CPA3: variants seen among roughly 807,000 people sequenced by gnomAD.
The protein encoded by CPA3 is mast cell carboxypeptidase A.
In CPA3, 52 loss-of-function variants were observed where a neutral mutation model predicts 55.8. That is an observed-to-expected ratio of 0.93 (90% CI 0.75 to 1.17). The LOEUF is 1.17. Among genes scored for constraint, CPA3 ranks in the 50% most tolerant of loss-of-function variants. The probability of loss-of-function intolerance (pLI) is 0.00; values close to 1 mark genes in which losing one functional copy is unlikely to be tolerated. For synonymous variants in CPA3, 179 were observed against 171.2 expected, an observed-to-expected ratio of 1.05 and a Z score of -0.36; for missense variants, 547 against 509.1, an observed-to-expected ratio of 1.07 and a Z score of -0.72.
intron 9 of CPA3, among the ~76,000 whole-genome samples, chr3:148,884,281 T>C (rs574481812): frequency 2.6e-5 from 4 of 152,354 alleles, no homozygotes; most frequent in Middle Eastern, 6.8e-3. Flanking sequence ...TTATAAATGT[T>C]TGTGAAGCTT....
intron 9 of CPA3, among the ~76,000 whole-genome samples, chr3:148,885,821 C>A (rs1424724935): frequency 6.6e-6 from 1 of 151,964 alleles, no homozygotes; most frequent in Non-Finnish European, 1.5e-5. Context: ...TTTTTCATCC[C>A]TAGTAATTTA....
intron 10 of CPA3, among the ~76,000 whole-genome samples, chr3:148,894,893 C>G (rs1211734178): frequency 2.0e-5 from 3 of 152,106 alleles, no homozygotes; most frequent in African/African-American, 7.2e-5. Context: ...CTTTGTCTTC[C>G]TTTGCCTTTT....
At chr3:148,865,434 T>C (rs990043319) in intron 1 of CPA3, 39 bp from the exon 2 acceptor site, 3 of 1,613,176 alleles carry the variant, frequency 1.9e-6, no homozygotes, top group Admixed American at 3.3e-5. Flanking sequence ...GGTTGTTTCC[T>C]TACAGTTCAC....
At chr3:148,869,178 G>A in intron 3 of CPA3, 139 bp downstream of exon 3, 1 of 985,154 alleles carries the variant, frequency 1.0e-6, no homozygotes, top group Non-Finnish European at 1.5e-6. Context: ...ACAGATCACA[G>A]TTACTTCCAA....
chr3:148,867,175 A>T (rs1713925837), intron 2 of CPA3, among the ~76,000 whole-genome samples: 1 of 152,076 alleles, frequency 6.6e-6, no homozygotes, highest in South Asian at 2.1e-4. Context: ...CCCCATAAAC[A>T]CCAAAATCTC....
intron 9 of CPA3, among the ~76,000 whole-genome samples, chr3:148,884,071 T>C (rs921314974): frequency 6.6e-6 from 1 of 152,132 alleles, no homozygotes; most frequent in Admixed American, 6.5e-5. Context: ...AAAGGCATAA[T>C]AGAAGTCTAT....
At chr3:148,876,331 A>C (rs1314973133) in intron 3 of CPA3, among the ~76,000 whole-genome samples, 1 of 151,852 alleles carries the variant, frequency 6.6e-6, no homozygotes, top group Non-Finnish European at 1.5e-5. Context: ...TCTATCAAAA[A>C]ATCCCATTTT....
intron 10 of CPA3, among the ~76,000 whole-genome samples, chr3:148,890,624 A>C (rs890683661): frequency 6.6e-6 from 1 of 152,242 alleles, no homozygotes; most frequent in Non-Finnish European, 1.5e-5. Context: ...CTCTGGCTTC[A>C]GCTCTTGCTT....
chr3:148,867,444 C>T (rs962865556), intron 2 of CPA3, among the ~76,000 whole-genome samples: 1 of 152,214 alleles, frequency 6.6e-6, no homozygotes. Context: ...TTTCACATCT[C>T]ATAAGTCCCT....
intron 3 of CPA3, among the ~76,000 whole-genome samples, chr3:148,869,659 G>A (rs1349340374): frequency 1.3e-5 from 2 of 152,182 alleles, no homozygotes; most frequent in East Asian, 3.9e-4. Context: ...GCAGAAATGA[G>A]TCATTCTGGC....
At chr3:148,868,230 T>C (rs1713960557) in intron 2 of CPA3, among the ~76,000 whole-genome samples, 1 of 151,640 alleles carries the variant, frequency 6.6e-6, no homozygotes, top group Non-Finnish European at 1.5e-5. Context: ...ACTTCTGAGC[T>C]CATATACCAA....
chr3:148,886,296 A>G (rs1198346395), intron 10 of CPA3, 119 bp downstream of exon 10: 2 of 663,724 alleles, frequency 3.0e-6, no homozygotes, highest in Non-Finnish European at 5.2e-6. Context: ...TTTAAATTCT[A>G]CTTTTTACAG....
intron 2 of CPA3, 58 bp downstream of exon 2, chr3:148,865,606 C>CTTA: frequency 7.0e-7 from 1 of 1,434,652 alleles, no homozygotes; most frequent in Middle Eastern, 1.8e-4. Context: ...GATGCTTCTT[C>CTTA]TTATTTTACT....
chr3:148,893,123 G>A (rs80280332), intron 10 of CPA3, among the ~76,000 whole-genome samples: 6,015 of 151,686 alleles, frequency 0.04, 173 homozygotes, highest in East Asian at 0.098. Context: ...ATCAAAAATC[G>A]CTTGTAATAC....
intron 10 of CPA3, among the ~76,000 whole-genome samples, chr3:148,890,960 G>C (rs1714648273): frequency 6.6e-6 from 1 of 152,154 alleles, no homozygotes; most frequent in African/African-American, 2.4e-5. Context: ...TTATCTTATA[G>C]AACTGAGTAA....
rs772377917 is a variant in CPA3, at chr3:148,896,564, A to G, written c.1111A>G (p.Ile371Val). The G allele has an allele frequency of 6.4e-7, 1 of 1,566,836 alleles. No individual in the cohort carries two copies. Among genetic ancestry groups the G allele is most frequent in the Non-Finnish European group, 8.7e-7 (1 of 1,144,434 alleles). The change falls in exon 11 of 11, where the codon ATC becomes GTC. Residue 371 changes from isoleucine to valine, a missense_variant. By Grantham distance (29) the Ile-to-Val change is conservative (BLOSUM62 3). Transcript: ENST00000296046. ...SSLDWAYDLG[I>V]KHTFAFELRD... ...TTTAGACTGGGCTTATGACCTGGGC[A>G]TCAAACACACATTTGCCTTTGAGCT...
Position 148,878,549 on chromosome 3 carries a change from G to A in CPA3, c.372+6G>A. ...AATACAATAATTGGGAAAAGGTACA[G>A]TAAAAAATGCCTGTACTTTTTTTTA... is the stretch of plus-strand genomic sequence containing the variant. On this transcript the variant is annotated splice_donor_region_variant and intron_variant, in intron 4 of 10. Transcript: ENST00000296046. 6.2e-7 allele frequency: 1 copy of A among 1,600,826 alleles called. No individual in the cohort carries two copies. Among genetic ancestry groups the A allele is most frequent in the Non-Finnish European group, 8.5e-7 (1 of 1,170,526 alleles).
chr3:148,882,532 A>G lies in CPA3; in HGVS notation c.715A>G (p.Lys239Glu), dbSNP rs751674825. ...KNRMWRKNRS[K>E]NQNSKCIGTD... ...CCGCATGTGGAGAAAAAATCGTTCC[A>G]AGAACCAAAACTCCAAATGCATCGG... The change falls in exon 8 of 11, where the codon AAG becomes GAG. Residue 239 changes from lysine (K) to glutamate (E), a missense_variant. Physicochemically the swap from Lys to Glu is moderately conservative, Grantham distance 56. Coordinates refer to ENST00000296046, the MANE Select transcript of CPA3 (RefSeq NM_001870.4). The G allele has an allele frequency of 1.9e-6, 3 of 1,613,644 alleles. No homozygotes were observed. Among genetic ancestry groups the G allele is most frequent in the Non-Finnish European group, 2.5e-6 (3 of 1,179,754 alleles).
At chr3:148,887,811 GTAAC>G (rs1264885613) in intron 10 of CPA3, among the ~76,000 whole-genome samples, 1 of 152,130 alleles carries the variant, frequency 6.6e-6, no homozygotes, top group East Asian at 1.9e-4. Flanking sequence ...CTTAGACCCT[GTAAC>G]ATATAGTACA....
Sources: allele counts gnomAD v4.1 joint callset (sites outside exome capture counted in the v4.1 genomes callset), GRCh38; gene constraint gnomAD v4.1.1; transcripts MANE v1.5; gene names NCBI Gene and HGNC (gene_info 2026-07-23, HGNC 2026-07-21).